ARHGEF4: variants seen among roughly 807,000 people sequenced by gnomAD.
The protein encoded by ARHGEF4 is Rho guanine nucleotide exchange factor 4.
In ARHGEF4, 119 loss-of-function variants were observed where a neutral mutation model predicts 162.0. That is an observed-to-expected ratio of 0.73 (90% CI 0.63 to 0.86). ARHGEF4 has a LOEUF of 0.86. ARHGEF4 is among the 40% of genes least tolerant of loss of function. The pLI, the probability that ARHGEF4 is intolerant of heterozygous loss-of-function variation, is 0.00. For synonymous variants in ARHGEF4, 1,014 were observed against 979.9 expected (o/e 1.03, Z -0.65); for missense variants, 2,488 against 2,456.0 (o/e 1.01, Z -0.28).
At position 130,931,210 on chromosome 2, in the gene ARHGEF4, G is replaced by A. The variant is rs61750360; in HGVS notation, c.3811G>A (p.Val1271Ile). 0.17 allele frequency: 270,294 copies of A among 1,613,332 alleles called. 24,155 individuals carry two copies. The highest frequency in any genetic ancestry group is 0.25 in the South Asian group (23,098 of 90,992). The change falls in exon 3 of 14, where the codon GTC (valine) becomes ATC (isoleucine). Residue 1271 changes from valine (V) to isoleucine (I), a missense_variant. Val to Ile is a conservative substitution (Grantham distance 29). Coordinates refer to ENST00000409359, the MANE Select transcript of ARHGEF4 (RefSeq NM_001367493.1). Reference protein sequence around the residue: ...QRKKLQKQAHVERRLHIGAVH... With the variant: ...QRKKLQKQAHIERRLHIGAVH... ...AAAGAAGTTGCAGAAGCAGGCCCAC[G>A]TCGAAAGGAGGCTGCACATAGGGGC...
In ARHGEF4 at chr2:130,881,844, G is replaced by A. The variant is rs145428176; in HGVS notation, c.40-32142G>A. Among the ~76,000 whole-genome samples the A allele has an allele frequency of 3.7e-3, 562 of 152,192 alleles. 11 individuals carry two copies. The highest frequency in any genetic ancestry group is 0.013 in the African/African-American group (537 of 41,452). On this transcript the variant is annotated intron_variant, in intron 1 of 13. Transcript: ENST00000409359. ...GCGGGGAGTGACTGGTCTGGTTGCA[G>A]CAGGTGTGTACGAGAACCACCTTGG...
intron 1 of ARHGEF4, among the ~76,000 whole-genome samples, chr2:130,848,694 T>A (rs914757839): frequency 1.3e-5 from 2 of 152,108 alleles, no homozygotes; most frequent in African/African-American, 4.8e-5. Flanking sequence ...TGGGGCCCTG[T>A]GCATGTTTTA....
At chr2:130,936,983 C>T (rs1277803480) in intron 3 of ARHGEF4, among the ~76,000 whole-genome samples, 1 of 149,184 alleles carries the variant, frequency 6.7e-6, no homozygotes, top group African/African-American at 2.5e-5. Flanking sequence ...TCTTGGCTCA[C>T]CGCAACCACC....
intron 12 of ARHGEF4, 100 bp from the exon 13 acceptor site, chr2:131,045,269 A>T: frequency 8.8e-7 from 1 of 1,137,180 alleles, no homozygotes; most frequent in Non-Finnish European, 1.3e-6. Flanking sequence ...AGTCCCCAGT[A>T]CATGATGAGA....
At chr2:131,042,307 G>A (rs1471864024) in intron 10 of ARHGEF4, among the ~76,000 whole-genome samples, 1 of 152,236 alleles carries the variant, frequency 6.6e-6, no homozygotes, top group Non-Finnish European at 1.5e-5. Context: ...ACTCCTAACA[G>A]AAGGCTGCAG....
At chr2:130,849,538 TCA>T (rs1390547493) in intron 1 of ARHGEF4, among the ~76,000 whole-genome samples, 1 of 151,244 alleles carries the variant, frequency 6.6e-6, no homozygotes, top group African/African-American at 2.4e-5. Context: ...GGGACCACTA[TCA>T]CACACCTCCT....
intron 1 of ARHGEF4, among the ~76,000 whole-genome samples, chr2:130,838,774 T>A (rs1378566345): frequency 2.0e-5 from 3 of 152,026 alleles, no homozygotes; most frequent in African/African-American, 7.2e-5. Context: ...GAGGGGAAGA[T>A]GGCCGGACAG....
chr2:131,026,311 A>C (rs1476009758), intron 4 of ARHGEF4, among the ~76,000 whole-genome samples: 1 of 152,240 alleles, frequency 6.6e-6, no homozygotes, highest in Non-Finnish European at 1.5e-5. Flanking sequence ...ATTATGACTG[A>C]GGTTGGAAAG....
At chr2:130,846,460 C>T (rs1680969134) in intron 1 of ARHGEF4, among the ~76,000 whole-genome samples, 1 of 152,250 alleles carries the variant, frequency 6.6e-6, no homozygotes, top group African/African-American at 2.4e-5. Flanking sequence ...TCCTCCCTCT[C>T]AGCACCCCCA....
chr2:130,879,864 G>A (rs937818918), intron 1 of ARHGEF4, among the ~76,000 whole-genome samples: 1 of 152,138 alleles, frequency 6.6e-6, no homozygotes, highest in African/African-American at 2.4e-5. Flanking sequence ...CCGCAGCCTT[G>A]AACATCTAGG....
chr2:130,903,652 A>G (rs1237387848), intron 1 of ARHGEF4, among the ~76,000 whole-genome samples: 1 of 152,208 alleles, frequency 6.6e-6, no homozygotes, highest in African/African-American at 2.4e-5. Flanking sequence ...TTGCCCAAGT[A>G]GTGAACATGG....
chr2:130,889,966 T>C (rs1339893464), intron 1 of ARHGEF4, among the ~76,000 whole-genome samples: 1 of 152,214 alleles, frequency 6.6e-6, no homozygotes, highest in Non-Finnish European at 1.5e-5. Flanking sequence ...TAACTCTTTG[T>C]AAGTTAGACT....
chr2:130,920,055 A>G (rs1290971195), intron 2 of ARHGEF4, among the ~76,000 whole-genome samples: 2 of 152,060 alleles, frequency 1.3e-5, no homozygotes, highest in Non-Finnish European at 2.9e-5. Context: ...ACACACCTGG[A>G]CAGCCTGCTT....
chr2:130,916,493 C>G lies in ARHGEF4; in HGVS notation c.2547C>G (p.His849Gln), dbSNP rs1277990479. The G allele has an allele frequency of 1.3e-6, 2 of 1,547,470 alleles. No individual in the cohort carries two copies. The highest frequency in any genetic ancestry group is 1.7e-6 in the Non-Finnish European group (2 of 1,146,660). The change falls in exon 2 of 14, where the codon CAC (histidine) becomes CAG (glutamine). Residue 849 changes from histidine (H) to glutamine (Q), a missense_variant. Coordinates refer to ENST00000409359, the MANE Select transcript of ARHGEF4 (RefSeq NM_001367493.1). ...CCGGTCGGGACGCACCGCCTCTGCACCACGGGGACGCCAGCGCCTGGCCCG... is the reference window on the plus strand; with the variant it reads ...CCGGTCGGGACGCACCGCCTCTGCAGCACGGGGACGCCAGCGCCTGGCCCG... ...AAAGRDAPPLHHGDASAWPEF... is the reference protein window; with the variant it reads ...AAAGRDAPPLQHGDASAWPEF...
chr2:130,992,127 T>C (rs1376506129), intron 4 of ARHGEF4, among the ~76,000 whole-genome samples: 2 of 152,036 alleles, frequency 1.3e-5, no homozygotes, highest in South Asian at 2.1e-4. Context: ...ACTAATCTGA[T>C]GGGGACGAGG....
At position 131,040,058 on chromosome 2, in the gene ARHGEF4, C is replaced by A; in HGVS notation, c.4348C>A (p.Leu1450Met). 6.3e-7 allele frequency: 1 copy of A among 1,589,296 alleles called. No homozygotes were observed. ...CGAGCCCGCGGATGACGACGCCCCT[C>A]TGGCCGGGAACAGCGGAGCGGAGGA... The part of the protein sequence containing the change: ...QDEPADDDAP[L>M]AGNSGAEDGG... The change falls in exon 7 of 14, where the codon CTG becomes ATG. Residue 1450 changes from leucine to methionine, a missense_variant. Leu to Met is a conservative substitution (Grantham distance 15). Around this residue, in one of 6 missense-constraint regions of ARHGEF4, gnomAD observed 174 missense variants for 148.3 expected, o/e 1.17. Transcript: ENST00000409359.
chr2:130,926,116 GTC>G (rs1682271687), intron 2 of ARHGEF4, among the ~76,000 whole-genome samples: 1 of 141,842 alleles, frequency 7.1e-6, no homozygotes, highest in African/African-American at 2.6e-5. Context: ...GTATAATTCT[GTC>G]TCTTCCATCT....
At chr2:131,034,291 CAGA>C (rs1690068002) in intron 5 of ARHGEF4, among the ~76,000 whole-genome samples, 3 of 152,204 alleles carry the variant, frequency 2.0e-5, no homozygotes, top group African/African-American at 7.2e-5. Context: ...TCTTATCTCT[CAGA>C]AGGACACACT....
At chr2:130,955,527 G>A (rs1684213177) in intron 4 of ARHGEF4, among the ~76,000 whole-genome samples, 2 of 152,168 alleles carry the variant, frequency 1.3e-5, no homozygotes, top group Admixed American at 6.5e-5. Context: ...TCCTAAAGGA[G>A]ATACAGCACT....
Sources: allele counts gnomAD v4.1 joint callset (sites outside exome capture counted in the v4.1 genomes callset), GRCh38; gene constraint gnomAD v4.1.1; regional missense constraint gnomAD v4.1.1; transcripts MANE v1.5; gene names NCBI Gene and HGNC (gene_info 2026-07-23, HGNC 2026-07-21).